CNTNAP5: variants seen among roughly 807,000 people sequenced by gnomAD.
CNTNAP5 encodes the protein contactin-associated protein-like 5.
In CNTNAP5, 72 loss-of-function variants were observed where a neutral mutation model predicts 150.2. The observed-to-expected ratio is 0.48, with a 90% CI of 0.40 to 0.58. CNTNAP5 has a LOEUF of 0.58. CNTNAP5 is among the 20% of genes least tolerant of loss of function. The pLI is 0.00. For missense variants in CNTNAP5, 1,636 were observed against 1,626.2 expected, an observed-to-expected ratio of 1.01 and a Z score of -0.10; for synonymous variants, 672 against 619.8, an observed-to-expected ratio of 1.08 and a Z score of -1.25.
chr2:124,420,032 C>A (rs1692060794), intron 4 of CNTNAP5, among the ~76,000 whole-genome samples: 1 of 133,490 alleles, frequency 7.5e-6, no homozygotes, highest in African/African-American at 2.8e-5. Context: ...CGCTCTCTTG[C>A]CCAGGCTGGA....
intron 7 of CNTNAP5, among the ~76,000 whole-genome samples, chr2:124,499,988 G>A (rs2104858701): frequency 6.6e-6 from 1 of 152,154 alleles, no homozygotes; most frequent in African/African-American, 2.4e-5. Context: ...AGTACCAGAA[G>A]TTGTAAATCC....
At chr2:124,285,806 A>G (rs2104628203) in intron 3 of CNTNAP5, among the ~76,000 whole-genome samples, 1 of 151,996 alleles carries the variant, frequency 6.6e-6, no homozygotes, top group East Asian at 1.9e-4. Flanking sequence ...TGTCTTGAAA[A>G]ACAAACAAAC....
At chr2:124,076,434 A>G (rs967726475) in intron 1 of CNTNAP5, among the ~76,000 whole-genome samples, 1 of 152,134 alleles carries the variant, frequency 6.6e-6, no homozygotes, top group African/African-American at 2.4e-5. Flanking sequence ...TACAGGTACT[A>G]TAGTGTTCAC....
At chr2:124,128,659 C>T (rs1683773015) in intron 1 of CNTNAP5, among the ~76,000 whole-genome samples, 2 of 152,156 alleles carry the variant, frequency 1.3e-5, no homozygotes, top group Admixed American at 1.3e-4. Context: ...TTGGAACCAA[C>T]CCAAATGTCC....
At chr2:124,852,231 ATGAC>A (rs1683173185) in intron 19 of CNTNAP5, among the ~76,000 whole-genome samples, 1 of 152,218 alleles carries the variant, frequency 6.6e-6, no homozygotes, top group Non-Finnish European at 1.5e-5. Flanking sequence ...CTAATCAATT[ATGAC>A]TGACAGCTTG....
intron 13 of CNTNAP5, among the ~76,000 whole-genome samples, chr2:124,701,512 G>T (rs1573556866): frequency 6.6e-6 from 1 of 152,078 alleles, no homozygotes; most frequent in African/African-American, 2.4e-5. Flanking sequence ...TTTATGAGAT[G>T]GTGATTCCAT....
chr2:124,383,536 G>T (rs1009266935), intron 3 of CNTNAP5, among the ~76,000 whole-genome samples: 1 of 152,160 alleles, frequency 6.6e-6, no homozygotes, highest in African/African-American at 2.4e-5. Context: ...GCAGTCCAGT[G>T]GGAGGTAATG....
At chr2:124,297,674 A>T (rs1688469029) in intron 3 of CNTNAP5, among the ~76,000 whole-genome samples, 2 of 151,912 alleles carry the variant, frequency 1.3e-5, no homozygotes, top group South Asian at 4.1e-4. Context: ...CTGTGCATAT[A>T]GTCTGCCTTC....
intron 13 of CNTNAP5, among the ~76,000 whole-genome samples, chr2:124,689,196 G>A (rs1679252705): frequency 6.6e-6 from 1 of 152,106 alleles, no homozygotes; most frequent in Non-Finnish European, 1.5e-5. Context: ...AATTCCTGGG[G>A]ATTCAGTGGT....
rs115722152 is a variant in CNTNAP5 at position 124,611,098 on chromosome 2, T to C, written c.1876+1178T>C. Among the ~76,000 whole-genome samples, 325 of 152,288 alleles carry C rather than the reference T, an allele frequency of 2.1e-3. 4 individuals are homozygous for C. The highest frequency in any genetic ancestry group is 7.0e-3 in the African/African-American group (290 of 41,548). On this transcript the variant is annotated intron_variant, in intron 12 of 23. Coordinates refer to ENST00000682447, the MANE Select transcript of CNTNAP5 (RefSeq NM_001367498.1). ...TGCATCATGTAATGAAGCAGGAACGTAGGGGCCTCTTTAGGCTCATTGAGC... is the reference window on the plus strand; with the variant it reads ...TGCATCATGTAATGAAGCAGGAACGCAGGGGCCTCTTTAGGCTCATTGAGC...
At chr2:124,402,104 G>A (rs1348521724) in intron 3 of CNTNAP5, among the ~76,000 whole-genome samples, 1 of 152,050 alleles carries the variant, frequency 6.6e-6, no homozygotes, top group Non-Finnish European at 1.5e-5. Context: ...ACTTTCACAG[G>A]GGTAAAAGAA....
At chr2:124,840,868 G>T (rs1236773636) in intron 19 of CNTNAP5, among the ~76,000 whole-genome samples, 1 of 152,104 alleles carries the variant, frequency 6.6e-6, no homozygotes, top group African/African-American at 2.4e-5. Flanking sequence ...GCTGCATGGG[G>T]CTGACAGAAG....
At chr2:124,431,573 C>T (rs13416451) in intron 4 of CNTNAP5, among the ~76,000 whole-genome samples, 10 of 131,970 alleles carry the variant, frequency 7.6e-5, no homozygotes, top group African/African-American at 2.0e-4. Context: ...TTTATATAAA[C>T]ATTATATATA....
chr2:124,614,986 A>G (rs1558705156), intron 12 of CNTNAP5, among the ~76,000 whole-genome samples: 1 of 3,014 alleles, frequency 3.3e-4, no homozygotes, highest in African/African-American at 3.6e-4. Context: ...ATTATATCAA[A>G]AAAAAAAAAA....
chr2:124,043,217 A>G (rs1681431455), intron 1 of CNTNAP5, among the ~76,000 whole-genome samples: 1 of 152,188 alleles, frequency 6.6e-6, no homozygotes, highest in Non-Finnish European at 1.5e-5. Flanking sequence ...CATAATGTAT[A>G]TAGATCACCA....
chr2:124,034,845 G>C (rs1361377416), intron 1 of CNTNAP5, among the ~76,000 whole-genome samples: 1 of 152,160 alleles, frequency 6.6e-6, no homozygotes, highest in Non-Finnish European at 1.5e-5. Flanking sequence ...GGAAAGTTGA[G>C]AGAGCCACAT....
At chr2:124,459,595 CA>C (rs1693200887) in intron 6 of CNTNAP5, among the ~76,000 whole-genome samples, 1 of 151,588 alleles carries the variant, frequency 6.6e-6, no homozygotes, top group African/African-American at 2.4e-5. Context: ...CTACTAAAAA[CA>C]CAAAAATTAA....
chr2:124,294,103 TA>T (rs1470369679), intron 3 of CNTNAP5, among the ~76,000 whole-genome samples: 1 of 139,626 alleles, frequency 7.2e-6, no homozygotes, highest in African/African-American at 2.7e-5. Flanking sequence ...GGATGTGTCT[TA>T]TTTGTCCCGA....
chr2:124,447,805 G>A (rs1692858912), intron 6 of CNTNAP5, among the ~76,000 whole-genome samples: 1 of 152,138 alleles, frequency 6.6e-6, no homozygotes, highest in Non-Finnish European at 1.5e-5. Flanking sequence ...TAGAAGACTG[G>A]GGAGGCAAGA....
Sources: allele counts gnomAD v4.1 joint callset (sites outside exome capture counted in the v4.1 genomes callset), GRCh38; gene constraint gnomAD v4.1.1; transcripts MANE v1.5; gene names NCBI Gene and HGNC (gene_info 2026-07-23, HGNC 2026-07-21).